The following SORBS2 variants were observed in gnomAD, a reference collection of about 807,000 sequenced individuals.
SORBS2 encodes sorbin and SH3 domain-containing protein 2.
SORBS2 carries 46 observed loss-of-function variants against 97.7 expected under a neutral mutation model. The observed-to-expected ratio is 0.47, with a 90% CI of 0.37 to 0.60. The LOEUF is 0.60. Among genes scored for constraint, SORBS2 ranks in the 20% least tolerant of loss-of-function variants. The pLI is 0.00. For missense variants in SORBS2, 1,316 were observed against 1,282.3 expected (o/e 1.03, Z -0.40); for synonymous variants, 476 against 473.4 (o/e 1.01, Z -0.07).
chr4:185,650,914 AG>A (rs1248010435), intron 2 of SORBS2, among the ~76,000 whole-genome samples: 1 of 152,034 alleles, frequency 6.6e-6, no homozygotes. Context: ...TGGAGATAGG[AG>A]CACAATCCCA....
chr4:185,670,351 A>G (rs967235626), intron 4 of SORBS2, among the ~76,000 whole-genome samples: 1 of 152,208 alleles, frequency 6.6e-6, no homozygotes, highest in African/African-American at 2.4e-5. Flanking sequence ...GAAAAAGCTC[A>G]TTCCCAATAT....
intron 2 of SORBS2, among the ~76,000 whole-genome samples, chr4:185,762,830 G>A (rs558609664): frequency 1.3e-5 from 2 of 152,114 alleles, no homozygotes; most frequent in Non-Finnish European, 2.9e-5. Context: ...AACGAGTTAA[G>A]AACATGGCAT....
At chr4:185,740,558 T>G (rs573849627) in intron 2 of SORBS2, among the ~76,000 whole-genome samples, 2 of 152,262 alleles carry the variant, frequency 1.3e-5, no homozygotes, top group South Asian at 4.1e-4. Context: ...CAGCAGGAAG[T>G]GAATTTTGGG....
chr4:185,662,799 G>A (rs1332077792), intron 4 of SORBS2, among the ~76,000 whole-genome samples: 1 of 152,196 alleles, frequency 6.6e-6, no homozygotes, highest in African/African-American at 2.4e-5. Context: ...CAAATACCTG[G>A]TAAAGGATCA....
Position 185,725,417 on chromosome 4 carries a change from T to C in SORBS2, c.-197-46595A>G, listed in dbSNP as rs113888224. Reference sequence around the variant, plus strand: ...CCATGTAGAACTCTATGCCAGTGGGTCAAACATACTTGCCGTCTAATTTAG... The same window carrying C: ...CCATGTAGAACTCTATGCCAGTGGGCCAAACATACTTGCCGTCTAATTTAG... On this transcript the variant is annotated intron_variant, in intron 2 of 20. Transcript: ENST00000284776. Among the ~76,000 whole-genome samples, 991 of 152,310 alleles carry C rather than the reference T, an allele frequency of 6.5e-3. 5 individuals carry two copies. The highest frequency in any genetic ancestry group is 0.011 in the South Asian group (52 of 4,822).
intron 2 of SORBS2, among the ~76,000 whole-genome samples, chr4:185,682,592 A>G (rs1487848873): frequency 1.3e-5 from 2 of 152,224 alleles, no homozygotes; most frequent in Admixed American, 6.5e-5. Context: ...GGCAATAAAT[A>G]TTTATCAATT....
rs559657833 is a variant in SORBS2, at chr4:185,874,400, A to C, written c.-338+81796T>G. ...CAGAGAATCTGTTCATTGGAATGCA[A>C]GCTTTCTGAGGGTAAGAGTTCGGGT... On this transcript the variant is annotated intron_variant, in intron 1 of 20. Transcript: ENST00000284776. Among the ~76,000 whole-genome samples, 4 of 152,332 alleles carry C rather than the reference A, an allele frequency of 2.6e-5. No homozygotes were observed. In the South Asian group the frequency reaches 8.3e-4, roughly 32 times the overall value.
At chr4:185,628,252 T>G (rs2096850422) in intron 5 of SORBS2, among the ~76,000 whole-genome samples, 1 of 152,060 alleles carries the variant, frequency 6.6e-6, no homozygotes, top group African/African-American at 2.4e-5. Context: ...AATTTGTATC[T>G]TGTATCTTTT....
Position 185,615,100 on chromosome 4 carries a change from C to T in SORBS2, c.2411G>A (p.Trp804Ter). 1.2e-6 allele frequency: 2 copies of T among 1,613,876 alleles called. No individual in the cohort carries two copies. The highest frequency in any genetic ancestry group is 1.7e-6 in the Non-Finnish European group (2 of 1,179,792). The change falls in exon 10 of 15, where the codon TGG becomes TAG. Residue 804 changes from tryptophan to a stop codon, truncating the protein, a stop_gained. Transcript: ENST00000418609. LOFTEE classifies it high-confidence loss of function. ...TCTCCCGTGGTGTTCTCCCTCATACCAATTTTGATCAATTTTCCTGAGGAT... is the reference window on the plus strand; with the variant it reads ...TCTCCCGTGGTGTTCTCCCTCATACTAATTTTGATCAATTTTCCTGAGGAT...
At position 185,606,970 on chromosome 4, in the gene SORBS2, G is replaced by A. The variant is rs927211250; in HGVS notation, c.2796+4810C>T. On this transcript the variant is annotated intron_variant, in intron 12 of 14. Coordinates refer to ENST00000418609, the Ensembl canonical transcript of SORBS2. The surrounding 1 kb of genome is among the most constrained non-coding windows in gnomAD (Gnocchi z 4.3). ...CTCTGCAAAGTTGCTTTGAGTTGTC[G>A]TTCTGGGATCCTGAAGAGGCTCTGC... 19 of 993,742 alleles carry A rather than the reference G, an allele frequency of 1.9e-5. 1 individual carries two copies. The highest frequency in any genetic ancestry group is 1.8e-4 in the South Asian group (4 of 22,428). The allele number at this position is 993,742 out of a possible 1,614,324, so 61.6% of individuals were successfully genotyped here.
In SORBS2 at chr4:185,804,497, G is replaced by A. The variant is rs149269350; in HGVS notation, c.-337-29131C>T. Among the ~76,000 whole-genome samples, 241 of 152,254 alleles carry A rather than the reference G, an allele frequency of 1.6e-3. 1 individual carries two copies. The highest frequency in any genetic ancestry group is 5.5e-3 in the African/African-American group (229 of 41,542). On this transcript the variant is annotated intron_variant, in intron 1 of 20. Transcript: ENST00000284776. ...GGTATCGGCGCATCTAAGACAAAGC[G>A]ATTCAATGTTAAATCCCTCTTTGGG...
exon 12 of SORBS2, chr4:185,611,862 G>C (rs1183653558): frequency 6.2e-7 from 1 of 1,614,032 alleles, no homozygotes; most frequent in Admixed American, 1.7e-5. Context: ...AGCACCTTTT[G>C]TGTTCTTCTT....
At chr4:185,592,554 TTTTG>T (rs961046188) in intron 13 of SORBS2, among the ~76,000 whole-genome samples, 11 of 152,050 alleles carry the variant, frequency 7.2e-5, no homozygotes, top group South Asian at 2.1e-4. Flanking sequence ...TAAGCGATCT[TTTTG>T]TTTGTTTGTT....
chr4:185,826,477 A>G (rs1032316148), intron 1 of SORBS2, among the ~76,000 whole-genome samples: 9 of 152,332 alleles, frequency 5.9e-5, no homozygotes, highest in Admixed American at 5.2e-4. Flanking sequence ...TGCATTATTC[A>G]TAAACAAGTC....
intron 2 of SORBS2, among the ~76,000 whole-genome samples, chr4:185,752,418 G>C (rs2098806215): frequency 6.6e-6 from 1 of 152,136 alleles, no homozygotes; most frequent in Non-Finnish European, 1.5e-5. Context: ...TTGGACTACA[G>C]GCGCCCGCCA....
In SORBS2 at chr4:185,815,823, G is replaced by T. The variant is rs932093480; in HGVS notation, c.-337-40457C>A. ...CTAACACCTGATGAATCTTAAATGA[G>T]AATATTTTCAGTTTATTTTACTATT... On this transcript the variant is annotated intron_variant, in intron 1 of 20. Coordinates refer to the SORBS2 transcript ENST00000284776. 2.7e-4 allele frequency among the ~76,000 whole-genome samples: 41 copies of T among 152,054 alleles called. 1 individual carries two copies. Among genetic ancestry groups the T allele is most frequent in the Non-Finnish European group, 8.8e-5 (6 of 68,016 alleles).
chr4:185,934,836 AAT>A (rs1298120172), intron 1 of SORBS2, among the ~76,000 whole-genome samples: 1 of 151,774 alleles, frequency 6.6e-6, no homozygotes, highest in Non-Finnish European at 1.5e-5. Context: ...ATTCAACTCT[AAT>A]CAGATACTCA....
At chr4:185,804,995 C>CT (rs2099146866) in intron 1 of SORBS2, among the ~76,000 whole-genome samples, 3 of 151,856 alleles carry the variant, frequency 2.0e-5, no homozygotes, top group African/African-American at 7.3e-5. Flanking sequence ...TTAAACTTTT[C>CT]TTTCTTATTC....
chr4:185,890,571 C>G (rs1322325758), intron 1 of SORBS2, among the ~76,000 whole-genome samples: 1 of 152,168 alleles, frequency 6.6e-6, no homozygotes, highest in Non-Finnish European at 1.5e-5. Flanking sequence ...TTCCGGACTC[C>G]CCCACAGTCT....
Sources: allele counts gnomAD v4.1 joint callset (sites outside exome capture counted in the v4.1 genomes callset), GRCh38; gene constraint gnomAD v4.1.1; non-coding constraint Gnocchi (gnomAD v3.1); transcripts MANE v1.5; gene names NCBI Gene and HGNC (gene_info 2026-07-23, HGNC 2026-07-21).